CUEDC1: variants seen among roughly 807,000 people sequenced by gnomAD.
The protein encoded by CUEDC1 is CUE domain containing 1.
Under a neutral mutation model 43.7 loss-of-function variants are expected in CUEDC1, and 30 were observed. The ratio of observed to expected loss-of-function variants is 0.69; its 90% confidence interval spans 0.51 to 0.93. CUEDC1 has a LOEUF of 0.93. Ranked by LOEUF, CUEDC1 falls within the 40% of genes least tolerant of loss-of-function variation. The probability of loss-of-function intolerance (pLI) is 0.00; values close to 1 mark genes in which losing one functional copy is unlikely to be tolerated. For missense variants in CUEDC1, 486 were observed against 549.0 expected (o/e 0.89, Z 1.15); for synonymous variants, 223 against 223.6 (o/e 1.00, Z 0.02).
intron 1 of CUEDC1, among the ~76,000 whole-genome samples, chr17:57,894,087 C>T (rs112308885): frequency 0.14 from 21,908 of 152,006 alleles, 1,734 homozygotes; most frequent in Non-Finnish European, 0.17. Flanking sequence ...AGCAAGACTC[C>T]GTCTCAAAAA....
At chr17:57,876,976 G>A (rs1277664607) in intron 3 of CUEDC1, among the ~76,000 whole-genome samples, 3 of 152,214 alleles carry the variant, frequency 2.0e-5, no homozygotes, top group Admixed American at 6.5e-5. Context: ...GCTCAGAGAG[G>A]TTAAGCAATG....
chr17:57,883,774 T>G (rs890788660), intron 2 of CUEDC1, among the ~76,000 whole-genome samples: 2 of 152,088 alleles, frequency 1.3e-5, no homozygotes, highest in Admixed American at 1.3e-4. Context: ...TCTAAAGCAC[T>G]TAGGATGATG....
intron 1 of CUEDC1, among the ~76,000 whole-genome samples, chr17:57,944,232 C>G (rs1248557829): frequency 7.3e-6 from 1 of 136,850 alleles, no homozygotes. Flanking sequence ...TTTTTTGAGA[C>G]GGAGCTTCGC....
chr17:57,938,702 G>A (rs191913805), intron 1 of CUEDC1, among the ~76,000 whole-genome samples: 1 of 151,582 alleles, frequency 6.6e-6, no homozygotes, highest in East Asian at 1.9e-4. Context: ...TGCTCTTGTT[G>A]CACAGGCTGG....
Position 57,954,493 on chromosome 17 carries a change from A to G in CUEDC1, c.-316+732T>C, listed in dbSNP as rs1567730116. Among the ~76,000 whole-genome samples, 1 of 152,164 alleles carries G rather than the reference A, an allele frequency of 6.6e-6. No individual in the cohort carries two copies. Among genetic ancestry groups the G allele is most frequent in the African/African-American group, 2.4e-5 (1 of 41,438 alleles). On this transcript the variant is annotated intron_variant, in intron 1 of 10. Coordinates refer to ENST00000577830, the MANE Select transcript of CUEDC1 (RefSeq NM_001271875.2). This position sits in a 1 kb window ranked among gnomAD's most constrained non-coding sequence, Gnocchi z 4.3. ...GTGCTGGGTGTAAGGCGACCACGCG[A>G]CCGAGAAAAGGAAGAGGGAGGAATG...
intron 1 of CUEDC1, among the ~76,000 whole-genome samples, chr17:57,933,191 T>C (rs1332743997): frequency 7.1e-6 from 1 of 139,958 alleles, no homozygotes; most frequent in Non-Finnish European, 1.5e-5. Context: ...TCAGACAGCC[T>C]CACGGGCAGC....
At chr17:57,935,940 C>T (rs1029615720) in intron 1 of CUEDC1, among the ~76,000 whole-genome samples, 4 of 152,236 alleles carry the variant, frequency 2.6e-5, no homozygotes, top group African/African-American at 9.6e-5. Context: ...GACCAGGGGA[C>T]TTGACCAGCC....
chr17:57,879,722 A>C lies in CUEDC1; in HGVS notation c.353T>G (p.Leu118Trp), dbSNP rs759392184. ...SIPPEILERTLEPDSSDEEPP... is the reference protein window; with the variant it reads ...SIPPEILERTWEPDSSDEEPP... ...CTCTTCATCCGAGCTATCAGGTTCC[A>C]AAGTCCTTTCCAAGATCTAAATCAG... The change falls in exon 3 of 11, where the codon TTG (leucine) becomes TGG (tryptophan). Residue 118 changes from leucine to tryptophan, a missense_variant. Leu to Trp is a moderately conservative substitution (Grantham distance 61). Coordinates refer to ENST00000577830, the MANE Select transcript of CUEDC1 (RefSeq NM_001271875.2). 1 of 1,599,688 alleles carries C rather than the reference A, an allele frequency of 6.3e-7. No individual in the cohort carries two copies. Among genetic ancestry groups the C allele is most frequent in the Non-Finnish European group, 8.5e-7 (1 of 1,175,040 alleles).
At chr17:57,871,399 G>C (rs1363129371) in intron 5 of CUEDC1, 30 bp from the exon 6 acceptor site, 1 of 1,595,808 alleles carries the variant, frequency 6.3e-7, no homozygotes, top group East Asian at 2.2e-5. Context: ...ACAGGTCAGG[G>C]AGGTTAGCTC....
intron 1 of CUEDC1, among the ~76,000 whole-genome samples, chr17:57,903,576 A>G (rs1185280791): frequency 6.6e-6 from 1 of 152,160 alleles, no homozygotes; most frequent in Non-Finnish European, 1.5e-5. Flanking sequence ...AGAAAAGTGC[A>G]GGCCAACCCA....
rs1345555535 is a variant in CUEDC1, at chr17:57,926,769, AAAATAT to A, written c.-316+28450_-316+28455del. Among the ~76,000 whole-genome samples, 173 of 152,348 alleles carry A rather than the reference AAAATAT, an allele frequency of 1.1e-3. 2 individuals are homozygous for A. Among genetic ancestry groups the A allele is most frequent in the African/African-American group, 4.1e-3 (169 of 41,582 alleles). ...CAGGACAATATGCAAATTAGAGGCA[AAAATAT>A]AACCACATCGTTTTTCTTTTCAAAC... On this transcript the variant is annotated intron_variant, in intron 1 of 10. Transcript: ENST00000577830.
chr17:57,873,635 C>G lies in CUEDC1; in HGVS notation c.547G>C (p.Asp183His). Residue 183 changes from aspartate to histidine, a missense_variant, in exon 4 of 11, where the codon GAT (aspartate) becomes CAT (histidine). By Grantham distance (81) the Asp-to-His change is moderately conservative. Transcript: ENST00000577830. Reference protein sequence around the residue: ...WNPPLLGNLPDDFLRILPQQL... With the variant: ...WNPPLLGNLPHDFLRILPQQL... ...TGGGGCAGGATGCGGAGAAAGTCAT[C>G]CGGAAGGTTGCCCAGCAGTGGTGGG... is the stretch of plus-strand genomic sequence containing the variant. The G allele has an allele frequency of 1.9e-6, 3 of 1,604,282 alleles. No homozygotes were observed. Among genetic ancestry groups the G allele is most frequent in the Non-Finnish European group, 2.6e-6 (3 of 1,175,192 alleles).
intron 1 of CUEDC1, among the ~76,000 whole-genome samples, chr17:57,901,341 A>G (rs571154273): frequency 1.3e-5 from 2 of 152,246 alleles, no homozygotes; most frequent in Non-Finnish European, 2.9e-5. Context: ...TCCCTGTAGC[A>G]GCCAGCGCAC....
intron 2 of CUEDC1, among the ~76,000 whole-genome samples, chr17:57,883,154 GGAGA>G (rs1212228859): frequency 6.6e-6 from 1 of 152,126 alleles, no homozygotes; most frequent in African/African-American, 2.4e-5. Context: ...GGTCTCCCAA[GGAGA>G]GAGACAATAG....
intron 1 of CUEDC1, among the ~76,000 whole-genome samples, chr17:57,927,870 G>A (rs534382415): frequency 8.5e-5 from 13 of 152,286 alleles, no homozygotes; most frequent in South Asian, 2.1e-4. Context: ...CTGTAAGGTC[G>A]GTACTGTTCT....
chr17:57,947,341 A>T (rs1598028645), intron 1 of CUEDC1, among the ~76,000 whole-genome samples: 1 of 152,094 alleles, frequency 6.6e-6, no homozygotes, highest in African/African-American at 2.4e-5. Context: ...ATTATTTTTA[A>T]ACTCATTGTC....
At chr17:57,889,139 C>T (rs1957552032) in intron 1 of CUEDC1, among the ~76,000 whole-genome samples, 1 of 152,204 alleles carries the variant, frequency 6.6e-6, no homozygotes, top group Non-Finnish European at 1.5e-5. Flanking sequence ...TCTCCGTGGC[C>T]CTAAGCCCTC....
At chr17:57,947,226 A>G (rs1167952098) in intron 1 of CUEDC1, among the ~76,000 whole-genome samples, 1 of 151,342 alleles carries the variant, frequency 6.6e-6, no homozygotes, top group East Asian at 1.9e-4. Context: ...ATGGGATTAG[A>G]GGAGGAAGCA....
intron 1 of CUEDC1, among the ~76,000 whole-genome samples, chr17:57,950,911 C>T (rs1363211689): frequency 2.6e-5 from 4 of 152,142 alleles, no homozygotes; most frequent in African/African-American, 9.7e-5. Flanking sequence ...CTGGTTATGC[C>T]TCCTCACCCC....
Sources: gnomAD v4.1 joint callset for allele counts (sites outside exome capture counted in the v4.1 genomes callset) on GRCh38, gnomAD v4.1.1 for gene constraint, Gnocchi (gnomAD v3.1) non-coding constraint, MANE v1.5 for transcripts, NCBI Gene and HGNC (gene_info 2026-07-23, HGNC 2026-07-21) for gene names.